The following CGN variants were observed in gnomAD, a reference collection of about 807,000 sequenced individuals.
CGN encodes the protein cingulin.
Under a neutral mutation model 157.1 loss-of-function variants are expected in CGN, and 121 were observed. The observed-to-expected ratio is 0.77, with a 90% confidence interval of 0.66 to 0.90. CGN has a LOEUF of 0.90. CGN is among the 40% of genes least tolerant of loss of function. The pLI, the probability that CGN is intolerant of heterozygous loss-of-function variation, is 0.00. For missense variants in CGN, 1,424 were observed against 1,520.9 expected, an observed-to-expected ratio of 0.94 and a Z score of 1.06; for synonymous variants, 535 against 607.5, an observed-to-expected ratio of 0.88 and a Z score of 1.76.
At position 151,530,049 on chromosome 1, in the gene CGN, T is replaced by G; in HGVS notation, c.2247T>G (p.Thr749=). ...GTTTGGAGCAGCAGCTGAAGGAGAC[T>G]CGAGGTCTGGTGGATGGTGGGGAAG... ...ILGLEQQLKE[T]RGLVDGGEAV... The change falls in exon 12 of 21, where the codon ACT becomes ACG. Residue 749 remains threonine (T), a synonymous_variant. Transcript: ENST00000271636. 1 of 1,614,068 alleles carries G rather than the reference T, an allele frequency of 6.2e-7. No homozygotes were observed. The highest frequency in any genetic ancestry group is 8.5e-7 in the Non-Finnish European group (1 of 1,179,998).
At chr1:151,530,337 T>C (rs947502294) in intron 12 of CGN, 152 bp from the exon 13 acceptor site, 6 of 1,047,464 alleles carry the variant, frequency 5.7e-6, no homozygotes, top group East Asian at 4.8e-5. Flanking sequence ...CTTTGCTTGC[T>C]CTATGTGTCC....
rs1458572999 is a variant in CGN, at chr1:151,524,226, G to C, written c.1269G>C (p.Glu423Asp). Residue 423 changes from glutamate to aspartate, a missense_variant and splice_region_variant, in exon 7 of 21, where the codon GAG becomes GAC. This residue lies in a region of CGN where 1,187 missense variants were observed against 1,217.6 expected (regional missense o/e 0.97). Coordinates refer to ENST00000271636, the MANE Select transcript of CGN (RefSeq NM_020770.3). This position sits in a 1 kb window ranked among gnomAD's most constrained non-coding sequence, Gnocchi z 4.4. ...GTGCAATAATGTTATCTATTATTAGGCTCCAGAACATGAAGCGCCTCTTGG... is the reference window on the plus strand; with the variant it reads ...GTGCAATAATGTTATCTATTATTAGCCTCCAGAACATGAAGCGCCTCTTGG... ...RKGEAQQSNK[E>D]LQNMKRLLDQ... 6.2e-7 allele frequency: 1 copy of C among 1,612,832 alleles called. No individual in the cohort carries two copies.
chr1:151,529,776 T>C, intron 11 of CGN, 133 bp from the exon 12 acceptor site: 1 of 880,242 alleles, frequency 1.1e-6, no homozygotes, highest in Non-Finnish European at 1.7e-6. Context: ...TGGTGGCAGC[T>C]GCTCTCTTTA....
chr1:151,519,017 A>G lies in CGN; in HGVS notation c.498A>G (p.Pro166=). ...AGCTAGCCCCGAAAGTGGCTTCCCCAGGTAGCACCATTGACACTGCTCCCC... is the reference window on the plus strand; with the variant it reads ...AGCTAGCCCCGAAAGTGGCTTCCCCGGGTAGCACCATTGACACTGCTCCCC... ...MLELAPKVAS[P]GSTIDTAPLS... The change falls in exon 2 of 21, where the codon CCA becomes CCG. Residue 166 remains proline (P), a synonymous_variant. Transcript: ENST00000271636. The G allele has an allele frequency of 6.2e-7, 1 of 1,614,160 alleles. No homozygotes were observed. Among genetic ancestry groups the G allele is most frequent in the Non-Finnish European group, 8.5e-7 (1 of 1,180,022 alleles).
chr1:151,517,668 G>A (rs1664444489), intron 1 of CGN, among the ~76,000 whole-genome samples: 1 of 151,892 alleles, frequency 6.6e-6, no homozygotes, highest in Non-Finnish European at 1.5e-5. Context: ...GCGCCACCAC[G>A]CCTAGCTAAG....
chr1:151,517,082 C>T (rs541162306), intron 1 of CGN, among the ~76,000 whole-genome samples: 27 of 151,948 alleles, frequency 1.8e-4, no homozygotes, highest in African/African-American at 5.8e-4. Context: ...TGCTTAAACT[C>T]GGGAGGCAGA....
rs1665001298 is a variant in CGN, at chr1:151,537,715, A to G, written c.*369A>G. On this transcript the variant is annotated 3_prime_UTR_variant, in exon 21 of 21. Coordinates refer to ENST00000271636, the MANE Select transcript of CGN (RefSeq NM_020770.3). ...TCTTTAGCCCTTAACCCTAAGGCTC[A>G]GGGAAATACCCTATGTTATTGTGCT... 1.8e-5 allele frequency: 3 copies of G among 170,340 alleles called. No homozygotes were observed. Among genetic ancestry groups the G allele is most frequent in the Non-Finnish European group, 3.8e-5 (3 of 78,664 alleles). The allele number at this position is 170,340 out of a possible 1,614,324, so 10.6% of individuals were successfully genotyped here. A position where few individuals can be genotyped will look rare whatever the true frequency, so the allele number is the denominator to read the frequency against.
Position 151,518,506 on chromosome 1 carries a change from G to A in CGN, c.-14G>A, listed in dbSNP as rs541629611. ...CTAAACTCATTTCTTCATCTTCTAG[G>A]ACTCCTCCTATTTATGGAGCAGGCA... On this transcript the variant is annotated splice_region_variant and 5_prime_UTR_variant, in exon 2 of 21. Transcript: ENST00000271636. The A allele has an allele frequency of 1.3e-6, 2 of 1,591,464 alleles. No homozygotes were observed. The highest frequency in any genetic ancestry group is 2.3e-5 in the East Asian group (1 of 44,418).
chr1:151,529,946 G>A lies in CGN; in HGVS notation c.2144G>A (p.Gly715Glu), dbSNP rs1307657669. Residue 715 changes from glycine (G) to glutamate (E), a missense_variant, in exon 12 of 21, where the codon GGG (glycine) becomes GAG (glutamate). Gly to Glu is a moderately conservative substitution (Grantham distance 98, BLOSUM62 -2). Coordinates refer to ENST00000271636, the MANE Select transcript of CGN (RefSeq NM_020770.3). ...GCCGAGGCAGAGGCAACAGTGCTGGGGCAGCGGCGGGCCGCAGTGGAGACG... is the reference window on the plus strand; with the variant it reads ...GCCGAGGCAGAGGCAACAGTGCTGGAGCAGCGGCGGGCCGCAGTGGAGACG... ...MVAEAEATVL[G>E]QRRAAVETTL... The A allele has an allele frequency of 6.2e-7, 1 of 1,614,110 alleles. No homozygotes were observed. The highest frequency in any genetic ancestry group is 1.3e-5 in the African/African-American group (1 of 75,038).
intron 8 of CGN, 123 bp downstream of exon 8, chr1:151,525,009 A>G: frequency 1.3e-6 from 1 of 771,462 alleles, no homozygotes; most frequent in Non-Finnish European, 2.1e-6. Flanking sequence ...CTCCTAAAGG[A>G]CACAGTGAGA....
Position 151,518,823 on chromosome 1 carries a change from G to C in CGN, c.304G>C (p.Glu102Gln), listed in dbSNP as rs1216027768. The C allele has an allele frequency of 1.9e-5, 31 of 1,613,896 alleles. No homozygotes were observed. Among genetic ancestry groups the C allele is most frequent in the Non-Finnish European group, 2.5e-5 (29 of 1,179,972 alleles). ...TCTGAGCTCAGATTTGGAACTCCCT[G>C]AGAACCCCTACTCTCAGGTCAAGGG... ...GALSSDLELP[E>Q]NPYSQVKGFP... The change falls in exon 2 of 21, where the codon GAG (glutamate) becomes CAG (glutamine). Residue 102 changes from glutamate (E) to glutamine (Q), a missense_variant. Physicochemically the swap from Glu to Gln is conservative, Grantham distance 29 (BLOSUM62 2). Coordinates refer to ENST00000271636, the MANE Select transcript of CGN (RefSeq NM_020770.3).
chr1:151,518,982 A>C lies in CGN; in HGVS notation c.463A>C (p.Ser155Arg). The C allele has an allele frequency of 6.2e-7, 1 of 1,614,212 alleles. No individual in the cohort carries two copies. Among genetic ancestry groups the C allele is most frequent in the Non-Finnish European group, 8.5e-7 (1 of 1,180,034 alleles). The change falls in exon 2 of 21, where the codon AGC becomes CGC. Residue 155 changes from serine to arginine, a missense_variant. This residue lies in a region of CGN where 1,187 missense variants were observed against 1,217.6 expected (regional missense o/e 0.97). Coordinates refer to ENST00000271636, the MANE Select transcript of CGN (RefSeq NM_020770.3). Reference sequence around the variant, plus strand: ...AGTGGATCCTAGTAACAGAAGCAACAGCATGCTGGAGCTAGCCCCGAAAGT... The same window carrying C: ...AGTGGATCCTAGTAACAGAAGCAACCGCATGCTGGAGCTAGCCCCGAAAGT... ...GPVDPSNRSN[S>R]MLELAPKVAS...
Position 151,536,791 on chromosome 1 carries a change from G to T in CGN, c.3368G>T (p.Arg1123Leu). ...GATGAAGCAGAAGAGGAAATTGAGC[G>T]ACTGGACGGCCTGAGGAAGAAGGCC... is the stretch of plus-strand genomic sequence containing the variant. ...QVDEAEEEIE[R>L]LDGLRKKAQR... The change falls in exon 20 of 21, where the codon CGA becomes CTA. Residue 1123 changes from arginine to leucine, a missense_variant. Arg to Leu is a moderately radical substitution (Grantham distance 102). Coordinates refer to ENST00000271636, the MANE Select transcript of CGN (RefSeq NM_020770.3). 6.2e-7 allele frequency: 1 copy of T among 1,614,124 alleles called. No homozygotes were observed. Among genetic ancestry groups the T allele is most frequent in the Non-Finnish European group, 8.5e-7 (1 of 1,180,024 alleles).
At chr1:151,532,887 A>G (rs1664872428) in intron 14 of CGN, among the ~76,000 whole-genome samples, 2 of 152,022 alleles carry the variant, frequency 1.3e-5, no homozygotes, top group African/African-American at 2.4e-5. Context: ...CCAAAATGCT[A>G]GGATAACAGG....
At chr1:151,536,951 T>A in intron 20 of CGN, 58 bp downstream of exon 20, 1 of 1,567,916 alleles carries the variant, frequency 6.4e-7, no homozygotes, top group Non-Finnish European at 8.7e-7. Context: ...GAGGGAATGG[T>A]CTCTCCTGTG....
At position 151,520,995 on chromosome 1, in the gene CGN, AT is replaced by A. The variant is rs371562183; in HGVS notation, c.1140+313del. On this transcript the variant is annotated intron_variant, in intron 5 of 20. Transcript: ENST00000271636. ...AATTACTTACATTCTCTGTGCCTCA[AT>A]TTTTTTTTATCATTATCATAATAAT... is the stretch of plus-strand genomic sequence containing the variant. Among the ~76,000 whole-genome samples, 1,105 of 151,674 alleles carry A rather than the reference AT, an allele frequency of 7.3e-3. 16 individuals are homozygous for A. Among genetic ancestry groups the A allele is most frequent in the African/African-American group, 0.021 (881 of 41,350 alleles).
intron 13 of CGN, among the ~76,000 whole-genome samples, chr1:151,531,186 C>T (rs1230401478): frequency 6.6e-6 from 1 of 151,906 alleles, no homozygotes; most frequent in Non-Finnish European, 1.5e-5. Context: ...TCCTCAAGTT[C>T]ATTGTTAGGA....
chr1:151,524,882 C>A lies in CGN; in HGVS notation c.1610C>A (p.Thr537Asn). ...EQLRRSMQDA[T>N]QDHAVLEAER... ...CTCCGCAGGAGCATGCAAGATGCAA[C>A]CCAGGCATGTGACAAGAGCAGGGTC... The change falls in exon 8 of 21, where the codon ACC becomes AAC. Residue 537 changes from threonine to asparagine, a missense_variant. Transcript: ENST00000271636. The surrounding 1 kb of genome is among the most constrained non-coding windows in gnomAD (Gnocchi z 4.4). 6.2e-7 allele frequency: 1 copy of A among 1,610,490 alleles called. No homozygotes were observed. Among genetic ancestry groups the A allele is most frequent in the Non-Finnish European group, 8.5e-7 (1 of 1,179,058 alleles).
rs955768100 is a variant in CGN, at chr1:151,525,750, T to C, written c.1723T>C (p.Phe575Leu). 1.9e-6 allele frequency: 3 copies of C among 1,609,368 alleles called. No individual in the cohort carries two copies. In the African/African-American group the frequency reaches 4.0e-5, roughly 22 times the overall value. The change falls in exon 9 of 21, where the codon TTC (phenylalanine) becomes CTC (leucine). Residue 575 changes from phenylalanine to leucine, a missense_variant. Around this residue, in one of 3 missense-constraint regions of CGN, gnomAD observed 1,187 missense variants for 1,217.6 expected, o/e 0.97. Coordinates refer to ENST00000271636, the MANE Select transcript of CGN (RefSeq NM_020770.3). ...SEETGHWQSM[F>L]QKNKEDLRAT... ...GGAGACAGGGCATTGGCAGAGTATG[T>C]TCCAGAAGAACAAGGAGGATCTTAG...
Sources: allele counts gnomAD v4.1 joint callset (sites outside exome capture counted in the v4.1 genomes callset), GRCh38; gene constraint gnomAD v4.1.1; regional missense constraint gnomAD v4.1.1; non-coding constraint Gnocchi (gnomAD v3.1); transcripts MANE v1.5; gene names NCBI Gene and HGNC (gene_info 2026-07-23, HGNC 2026-07-21).